The following MET variants were observed in gnomAD, a reference collection of about 807,000 sequenced individuals.
The protein encoded by MET is MET proto-oncogene, receptor tyrosine kinase, also known as hepatocyte growth factor receptor.
Under a neutral mutation model 133.1 loss-of-function variants are expected in MET, and 48 were observed. The ratio of observed to expected loss-of-function variants is 0.36; its 90% CI spans 0.29 to 0.46. MET has a LOEUF of 0.46. Ranked by LOEUF, MET falls within the 20% of genes least tolerant of loss-of-function variation. The pLI, the probability that MET is intolerant of heterozygous loss-of-function variation, is 1.00. For missense variants in MET, 1,442 were observed against 1,695.9 expected (o/e 0.85, Z 2.63); for synonymous variants, 628 against 616.5 (o/e 1.02, Z -0.28).
intron 2 of MET, among the ~76,000 whole-genome samples, chr7:116,715,504 A>G (rs1344007292): frequency 1.3e-5 from 2 of 152,170 alleles, no homozygotes; most frequent in Admixed American, 6.5e-5. Flanking sequence ...TCATCTCAAG[A>G]TCCTTAACTA....
intron 12 of MET, among the ~76,000 whole-genome samples, chr7:116,770,279 G>A (rs1003376924): frequency 1.3e-5 from 2 of 152,108 alleles, no homozygotes; most frequent in Non-Finnish European, 2.9e-5. Context: ...TAGAACCAAA[G>A]CGAGTGATCT....
chr7:116,676,211 G>A (rs988926131), intron 1 of MET, among the ~76,000 whole-genome samples: 2 of 152,200 alleles, frequency 1.3e-5, no homozygotes, highest in African/African-American at 4.8e-5. Context: ...TACTCCCATT[G>A]ATTTTAATTT....
At position 116,741,231 on chromosome 7, in the gene MET, T is replaced by TCA. The variant is rs1793442008; in HGVS notation, c.1701+206_1701+207insCA. The TCA allele has an allele frequency of 6.7e-6, 4 of 597,982 alleles. No homozygotes were observed. In the East Asian group the frequency reaches 1.3e-4, roughly 19 times the overall value. The allele number at this position is 597,982 out of a possible 1,614,324, so 37.0% of individuals were successfully genotyped here. Reference sequence around the variant, plus strand: ...TATCCCTCGGGCAGGGAGGGGGTGGTGTTTGGGCATCCCCCCAAGTCCTGC... The same window carrying TCA: ...TATCCCTCGGGCAGGGAGGGGGTGGTCAGTTTGGGCATCCCCCCAAGTCCTGC... On this transcript the variant is annotated intron_variant, in intron 5 of 20. Transcript: ENST00000397752.
rs540540827 is a variant in MET at position 116,731,707 on chromosome 7, G to T, written c.1240G>T (p.Asp414Tyr). Residue 414 changes from aspartate to tyrosine, a missense_variant, in exon 3 of 21, where the codon GAT (aspartate) becomes TAT (tyrosine). Transcript: ENST00000397752. ...TTCATCAGGCTGTGAAGCGCGCCGT[G>T]ATGAATATCGAACAGAGTTTACCAC... ...RNSSGCEARR[D>Y]EYRTEFTTAL... 1 of 1,614,098 alleles carries T rather than the reference G, an allele frequency of 6.2e-7. No homozygotes were observed. Among genetic ancestry groups the T allele is most frequent in the Non-Finnish European group, 8.5e-7 (1 of 1,179,986 alleles).
At chr7:116,789,927 C>T (rs1040089268) in intron 19 of MET, among the ~76,000 whole-genome samples, 1 of 152,302 alleles carries the variant, frequency 6.6e-6, no homozygotes, top group Non-Finnish European at 1.5e-5. Context: ...GTATTAAGCT[C>T]GGCATGCATT....
At chr7:116,741,178 A>T in intron 5 of MET, 153 bp downstream of exon 5, 1 of 860,120 alleles carries the variant, frequency 1.2e-6, no homozygotes. Flanking sequence ...GTGAGTCATC[A>T]GCTAAAGCAC....
rs1554398418 is a variant in MET, at chr7:116,771,948, T to C, written c.2987T>C (p.Val996Ala). ...AGTGTAAGCCCAACTACAGAAATGG[T>C]TTCAAATGAATCTGTAGACTACCGA... ...ARSVSPTTEMVSNESVDYRAT... is the reference protein window; with the variant it reads ...ARSVSPTTEMASNESVDYRAT... Residue 996 changes from valine (V) to alanine (A), a missense_variant, in exon 14 of 21, where the codon GTT becomes GCT. Coordinates refer to ENST00000397752, the MANE Select transcript of MET (RefSeq NM_000245.4). 2 of 1,613,888 alleles carry C rather than the reference T, an allele frequency of 1.2e-6. No homozygotes were observed. The highest frequency in any genetic ancestry group is 1.7e-6 in the Non-Finnish European group (2 of 1,179,840).
chr7:116,792,789 G>A (rs893249038), intron 19 of MET, among the ~76,000 whole-genome samples: 7 of 152,140 alleles, frequency 4.6e-5, no homozygotes, highest in Admixed American at 4.6e-4. Flanking sequence ...ATGTAGCGTA[G>A]ACTGTCAGAT....
intron 2 of MET, among the ~76,000 whole-genome samples, chr7:116,714,291 G>A (rs997716772): frequency 1.3e-5 from 2 of 152,070 alleles, no homozygotes; most frequent in Non-Finnish European, 2.9e-5. Flanking sequence ...CAAGAGAAAG[G>A]ATTTATTTAT....
intron 8 of MET, 168 bp downstream of exon 8, chr7:116,757,942 T>C: frequency 1.4e-6 from 1 of 717,920 alleles, no homozygotes; most frequent in South Asian, 1.8e-5. Context: ...ATCTACTCCT[T>C]TTGCTGATTT....
In MET at chr7:116,699,691, T is replaced by A. The variant is rs200861145; in HGVS notation, c.607T>A (p.Ser203Thr). 3.1e-4 allele frequency: 497 copies of A among 1,614,052 alleles called. 1 individual carries two copies. Among genetic ancestry groups the A allele is most frequent in the Admixed American group, 1.6e-3 (99 of 60,012 alleles). Reference sequence around the variant, plus strand: ...CTTCTTTGTAGGCAATACCATAAATTCTTCTTATTTCCCAGATCATCCATT... The same window carrying A: ...CTTCTTTGTAGGCAATACCATAAATACTTCTTATTTCCCAGATCATCCATT... ...INFFVGNTINSSYFPDHPLHS... is the reference protein window; with the variant it reads ...INFFVGNTINTSYFPDHPLHS... The change falls in exon 2 of 21, where the codon TCT (serine) becomes ACT (threonine). Residue 203 changes from serine (S) to threonine (T), a missense_variant. Ser to Thr is a moderately conservative substitution (Grantham distance 58, BLOSUM62 1). Around this residue, in one of 6 missense-constraint regions of MET, gnomAD observed 762 missense variants for 792.4 expected, o/e 0.96. Transcript: ENST00000397752.
At chr7:116,743,536 G>A (rs1793544379) in intron 5 of MET, among the ~76,000 whole-genome samples, 1 of 152,228 alleles carries the variant, frequency 6.6e-6, no homozygotes, top group Non-Finnish European at 1.5e-5. Context: ...CTGGAGCTTG[G>A]TGCAGGGAGG....
chr7:116,719,588 A>G (rs1252430332), intron 2 of MET, among the ~76,000 whole-genome samples: 6 of 152,046 alleles, frequency 3.9e-5, no homozygotes, highest in Middle Eastern at 3.2e-3. Flanking sequence ...GAATGGTAAT[A>G]CCTAGGTTTT....
chr7:116,745,543 C>T (rs1270879627), intron 5 of MET, among the ~76,000 whole-genome samples: 2 of 152,158 alleles, frequency 1.3e-5, no homozygotes, highest in Non-Finnish European at 2.9e-5. Context: ...TACAAGGCTA[C>T]AGTAACCAAA....
intron 1 of MET, among the ~76,000 whole-genome samples, chr7:116,686,991 C>G (rs550703269): frequency 2.0e-5 from 3 of 152,212 alleles, no homozygotes; most frequent in Non-Finnish European, 4.4e-5. Flanking sequence ...TCTTCTCCCC[C>G]GTGCTGCTCC....
rs2116828420 is a variant in MET, at chr7:116,740,079, A to G, written c.1522A>G (p.Lys508Glu). ...QNGYTLVITG[K>E]KITKIPLNGL... ...TGGCTACACACTGGTTATCACTGGG[A>G]AGAAGGTAAGCTGTTCCCACAGGGA... is the stretch of plus-strand genomic sequence containing the variant. Residue 508 changes from lysine (K) to glutamate (E), a missense_variant, in exon 4 of 21, where the codon AAG (lysine) becomes GAG (glutamate). By Grantham distance (56) the Lys-to-Glu change is moderately conservative. Transcript: ENST00000397752. 6.2e-7 allele frequency: 1 copy of G among 1,614,064 alleles called. No homozygotes were observed. The highest frequency in any genetic ancestry group is 1.3e-5 in the African/African-American group (1 of 75,048).
At chr7:116,721,165 C>T (rs1252644328) in intron 2 of MET, among the ~76,000 whole-genome samples, 2 of 152,182 alleles carry the variant, frequency 1.3e-5, no homozygotes, top group African/African-American at 4.8e-5. Context: ...AATTTCAGCT[C>T]CTGTTATTGG....
chr7:116,676,228 T>G (rs1184411865), intron 1 of MET, among the ~76,000 whole-genome samples: 2 of 152,212 alleles, frequency 1.3e-5, no homozygotes, highest in African/African-American at 4.8e-5. Flanking sequence ...ATTTCTATAA[T>G]AAATTATGTA....
intron 2 of MET, among the ~76,000 whole-genome samples, chr7:116,700,742 G>A (rs1791548155): frequency 6.6e-6 from 1 of 152,126 alleles, no homozygotes; most frequent in Non-Finnish European, 1.5e-5. Context: ...TTCCTTATGA[G>A]ATTATATTCT....
Sources: gnomAD v4.1 joint callset for allele counts (sites outside exome capture counted in the v4.1 genomes callset) on GRCh38, gnomAD v4.1.1 for gene constraint, gnomAD v4.1.1 regional missense constraint, MANE v1.5 for transcripts, NCBI Gene and HGNC (gene_info 2026-07-23, HGNC 2026-07-21) for gene names.